ANKRD45: variants seen among roughly 807,000 people sequenced by gnomAD.
ANKRD45 encodes ankyrin repeat domain 45, also known as ankyrin repeat domain-containing protein 45.
A neutral mutation model predicts 28.1 loss-of-function variants in ANKRD45; 21 were observed. The observed-to-expected ratio is 0.75, with a 90% CI of 0.53 to 1.08. The LOEUF (loss-of-function observed/expected upper bound fraction) is 1.08, where lower values mean the gene tolerates loss of function less well. ANKRD45 is among the 50% of genes least tolerant of loss of function. The pLI is 0.00. For missense variants in ANKRD45, 261 were observed against 308.7 expected, an observed-to-expected ratio of 0.85 and a Z score of 1.16; for synonymous variants, 86 against 103.9, an observed-to-expected ratio of 0.83 and a Z score of 1.05.
chr1:173,694,184 GAC>G, the ANKRD45 span, among the ~76,000 whole-genome samples: 2 of 151,792 alleles, frequency 1.3e-5, no homozygotes, highest in Admixed American at 1.3e-4. Flanking sequence ...TTCTTTTTGA[GAC>G]AGAGTCTCAC....
At chr1:173,631,973 G>A (rs1248919637) in intron 3 of ANKRD45, among the ~76,000 whole-genome samples, 3 of 150,762 alleles carry the variant, frequency 2.0e-5, no homozygotes, top group Non-Finnish European at 4.4e-5. Flanking sequence ...ATTAGTAGAA[G>A]AAAATAAATA....
At chr1:173,698,387 T>C in the ANKRD45 span, among the ~76,000 whole-genome samples, 1 of 149,438 alleles carries the variant, frequency 6.7e-6, no homozygotes, top group African/African-American at 2.6e-5. Context: ...AGCACCACAT[T>C]GTACTTATTC....
chr1:173,666,277 C>T (rs1003218146), intron 1 of ANKRD45, among the ~76,000 whole-genome samples: 5 of 152,318 alleles, frequency 3.3e-5, no homozygotes, highest in Middle Eastern at 3.4e-3. Flanking sequence ...TCTCCTGGAT[C>T]TCCAGCTTGC....
the ANKRD45 span, among the ~76,000 whole-genome samples, chr1:173,700,500 G>C: frequency 6.6e-6 from 1 of 152,038 alleles, no homozygotes; most frequent in Non-Finnish European, 1.5e-5. Context: ...CAGAACAGAG[G>C]CATCAGAAAT....
intron 5 of ANKRD45, among the ~76,000 whole-genome samples, chr1:173,617,428 C>A (rs1423169003): frequency 6.6e-6 from 1 of 152,196 alleles, no homozygotes; most frequent in Non-Finnish European, 1.5e-5. Flanking sequence ...TTCAACTCAG[C>A]CCTTCTAGCC....
chr1:173,636,053 A>T (rs1365873977), intron 3 of ANKRD45, among the ~76,000 whole-genome samples: 6 of 152,118 alleles, frequency 3.9e-5, no homozygotes, highest in African/African-American at 1.2e-4. Flanking sequence ...CCTTAGAATC[A>T]TCTAGCCCCC....
upstream of ANKRD45, among the ~76,000 whole-genome samples, chr1:173,671,286 C>T (rs940030227): frequency 1.3e-5 from 2 of 152,012 alleles, no homozygotes; most frequent in Non-Finnish European, 2.9e-5. Flanking sequence ...CTGGATTTGC[C>T]GGGGCCTGTT....
At chr1:173,714,789 G>A in the ANKRD45 span, among the ~76,000 whole-genome samples, 1 of 152,190 alleles carries the variant, frequency 6.6e-6, no homozygotes, top group Non-Finnish European at 1.5e-5. Flanking sequence ...TGGGATACAA[G>A]GAACCCCCAC....
At chr1:173,642,059 T>C (rs1668725129) in intron 3 of ANKRD45, among the ~76,000 whole-genome samples, 1 of 152,192 alleles carries the variant, frequency 6.6e-6, no homozygotes. Context: ...ATGTTGTACC[T>C]TTATTCCTAA....
At chr1:173,623,759 C>A (rs1361894839) in intron 5 of ANKRD45, among the ~76,000 whole-genome samples, 1 of 151,988 alleles carries the variant, frequency 6.6e-6, no homozygotes. Context: ...AACATATATA[C>A]CATGGAATAC....
intron 5 of ANKRD45, among the ~76,000 whole-genome samples, chr1:173,613,182 G>A (rs951391988): frequency 8.6e-5 from 13 of 151,402 alleles, no homozygotes; most frequent in African/African-American, 1.5e-4. Context: ...TCTGAGATGC[G>A]GGGAGCACCT....
At chr1:173,665,269 C>G (rs1669958651) in intron 1 of ANKRD45, among the ~76,000 whole-genome samples, 1 of 152,114 alleles carries the variant, frequency 6.6e-6, no homozygotes, top group Admixed American at 6.6e-5. Flanking sequence ...TCCTAAGTAG[C>G]TGGGCTCACA....
chr1:173,646,821 G>A, intron 3 of ANKRD45, 25 bp downstream of exon 3: 1 of 1,606,842 alleles, frequency 6.2e-7, no homozygotes, highest in South Asian at 1.1e-5. Context: ...CAGTCAGTTT[G>A]CTAACCCCTT....
At chr1:173,628,066 T>C (rs1341950265) in intron 3 of ANKRD45, among the ~76,000 whole-genome samples, 1 of 151,666 alleles carries the variant, frequency 6.6e-6, no homozygotes, top group Non-Finnish European at 1.5e-5. Flanking sequence ...GACCCAGGCC[T>C]GGCAGGATTC....
intron 3 of ANKRD45, among the ~76,000 whole-genome samples, chr1:173,633,211 T>C (rs1484065801): frequency 6.6e-6 from 1 of 150,838 alleles, no homozygotes; most frequent in Non-Finnish European, 1.5e-5. Flanking sequence ...GTGAACAATC[T>C]GAAAAAAAAA....
At chr1:173,635,856 G>C (rs1668413162) in intron 3 of ANKRD45, 1 of 1,501,674 alleles carries the variant, frequency 6.7e-7, no homozygotes, top group Non-Finnish European at 8.9e-7. Context: ...GTGAATTCGT[G>C]ATACAAGTAG....
At chr1:173,642,157 T>C (rs1331447265) in intron 3 of ANKRD45, among the ~76,000 whole-genome samples, 1 of 152,218 alleles carries the variant, frequency 6.6e-6, no homozygotes, top group African/African-American at 2.4e-5. Flanking sequence ...CTGGATTAGA[T>C]GATCCTTTTT....
At chr1:173,658,191 A>G in intron 2 of ANKRD45, 1 of 177,750 alleles carries the variant, frequency 5.6e-6, no homozygotes, top group Non-Finnish European at 1.2e-5. Context: ...AGGCGTGGTG[A>G]CCCATGCCTG....
the ANKRD45 span, among the ~76,000 whole-genome samples, chr1:173,688,569 T>C: frequency 3.0e-4 from 43 of 143,822 alleles, no homozygotes; most frequent in African/African-American, 9.9e-4. Flanking sequence ...TTCCTCTCTC[T>C]CTCTCTGCCG....
Sources: allele counts gnomAD v4.1 joint callset (sites outside exome capture counted in the v4.1 genomes callset), GRCh38; gene constraint gnomAD v4.1.1; transcripts MANE v1.5; gene names NCBI Gene and HGNC (gene_info 2026-07-23, HGNC 2026-07-21).